The following SYNE2 variants were observed in gnomAD, a reference collection of about 807,000 sequenced individuals.
SYNE2 encodes the protein nesprin-2.
In SYNE2, 431 loss-of-function variants were observed where a neutral mutation model predicts 856.3. The ratio of observed to expected loss-of-function variants is 0.50; its 90% CI spans 0.47 to 0.55. The LOEUF (loss-of-function observed/expected upper bound fraction) is 0.55, where lower values mean the gene tolerates loss of function less well. Ranked by LOEUF, SYNE2 falls within the 20% of genes least tolerant of loss-of-function variation. The pLI, the probability that SYNE2 is intolerant of heterozygous loss-of-function variation, is 0.00. For synonymous variants in SYNE2, 2,923 were observed against 2,872.3 expected (o/e 1.02, Z -0.56); for missense variants, 8,129 against 8,023.2 (o/e 1.01, Z -0.50).
At chr14:63,930,285 CAA>C (rs1328534376) in intron 2 of SYNE2, among the ~76,000 whole-genome samples, 39 of 65,032 alleles carry the variant, frequency 6.0e-4, no homozygotes, top group Admixed American at 8.6e-4. Context: ...GACCCTGTCT[CAA>C]AAAAAAAAAA....
In SYNE2 at chr14:63,924,834, G is replaced by GTTTT. The variant is rs1160819887; in HGVS notation, c.79+15633_79+15636dup. 1.3e-3 allele frequency among the ~76,000 whole-genome samples: 72 copies of GTTTT among 56,424 alleles called. 4 individuals are homozygous for GTTTT. The highest frequency in any genetic ancestry group is 1.7e-3 in the East Asian group (4 of 2,320). 37.0% of individuals were successfully genotyped at this position (56,424 alleles called of 152,430 possible). ...TAACTTTTTTCCTTCCAGCCTTGGTGTTTTTTTTTTTTTTTTTTTTTTTTT... is the reference window on the plus strand; with the variant it reads ...TAACTTTTTTCCTTCCAGCCTTGGTGTTTTTTTTTTTTTTTTTTTTTTTTTTTTT... On this transcript the variant is annotated intron_variant, in intron 2 of 115. Transcript: ENST00000555002.
At chr14:63,855,032 T>C (rs1184619255) in intron 1 of SYNE2, among the ~76,000 whole-genome samples, 1 of 152,242 alleles carries the variant, frequency 6.6e-6, no homozygotes, top group Non-Finnish European at 1.5e-5. Context: ...CTCCTACATA[T>C]ACCAGCCACT....
At position 63,959,420 on chromosome 14, in the gene SYNE2, C is replaced by T. The variant is rs2096281792; in HGVS notation, c.788-2105C>T. On this transcript the variant is annotated intron_variant, in intron 8 of 115. Coordinates refer to ENST00000555002, the MANE Select transcript of SYNE2 (RefSeq NM_182914.3). ...TCAAGCAATTCTCCTGCCTCAGCCTCCTGAGTAGCTGGGATTACAGGCATG... is the reference window on the plus strand; with the variant it reads ...TCAAGCAATTCTCCTGCCTCAGCCTTCTGAGTAGCTGGGATTACAGGCATG... Among the ~76,000 whole-genome samples the T allele has an allele frequency of 6.0e-5, 9 of 151,132 alleles. No homozygotes were observed. The South Asian group carries it at 1.9e-3, about 32-fold the overall frequency.
intron 1 of SYNE2, among the ~76,000 whole-genome samples, chr14:63,774,839 A>G (rs1887052488): frequency 6.6e-6 from 1 of 152,190 alleles, no homozygotes; most frequent in Non-Finnish European, 1.5e-5. Context: ...ATTTAATGAA[A>G]TGCAAGGCAG....
In SYNE2 at chr14:63,998,937, T is replaced by C. The variant is rs1290752892; in HGVS notation, c.3377T>C (p.Leu1126Pro). 6.2e-7 allele frequency: 1 copy of C among 1,614,006 alleles called. No homozygotes were observed. The highest frequency in any genetic ancestry group is 8.5e-7 in the Non-Finnish European group (1 of 1,179,992). ...LERYDTYRDI[L>P]EHHLQNNKFR... is the part of the protein sequence containing the mutation. ...AGGTATGATACATACAGAGATATTC[T>C]TGAACACCACCTGCAAAACAACAAA... Residue 1126 changes from leucine to proline, a missense_variant, in exon 27 of 116, where the codon CTT (leucine) becomes CCT (proline). By Grantham distance (98) the Leu-to-Pro change is moderately conservative. Transcript: ENST00000555002.
At chr14:63,909,882 G>T (rs910924124) in intron 2 of SYNE2, among the ~76,000 whole-genome samples, 1 of 152,176 alleles carries the variant, frequency 6.6e-6, no homozygotes, top group Non-Finnish European at 1.5e-5. Flanking sequence ...ATTTTGTCCT[G>T]ATAGGAAGAG....
chr14:64,181,691 C>T (rs2153738579), intron 96 of SYNE2, among the ~76,000 whole-genome samples: 2 of 152,274 alleles, frequency 1.3e-5, no homozygotes, highest in East Asian at 3.9e-4. Flanking sequence ...TTGAGCTTGA[C>T]TTTCCTCCTC....
chr14:64,070,501 A>G, intron 51 of SYNE2, 144 bp from the exon 52 acceptor site: 1 of 685,974 alleles, frequency 1.5e-6, no homozygotes, highest in Non-Finnish European at 2.4e-6. Flanking sequence ...TAGAGGATTA[A>G]TATTCCCAGC....
At position 64,078,559 on chromosome 14, in the gene SYNE2, T is replaced by C; in HGVS notation, c.11116T>C (p.Leu3706=). Residue 3706 remains leucine (L), a synonymous_variant, in exon 55 of 116, where the codon TTG becomes CTG. Coordinates refer to ENST00000555002, the MANE Select transcript of SYNE2 (RefSeq NM_182914.3). ...TGGGCTTCATAATGTTGAAAAGATG[T>C]TGCAGCAGAAAAGCAAAAATATTGA... is the stretch of plus-strand genomic sequence containing the variant. ...NNGLHNVEKM[L]QQKSKNIEKA... is the part of the protein sequence containing the mutation. The C allele has an allele frequency of 6.2e-7, 1 of 1,614,158 alleles. No homozygotes were observed. Among genetic ancestry groups the C allele is most frequent in the Non-Finnish European group, 8.5e-7 (1 of 1,180,002 alleles).
intron 30 of SYNE2, among the ~76,000 whole-genome samples, chr14:64,005,781 C>T (rs926739619): frequency 6.6e-6 from 1 of 152,104 alleles, no homozygotes; most frequent in Non-Finnish European, 1.5e-5. Context: ...CATCATTTTA[C>T]AAGGCTGTTT....
At chr14:64,193,794 A>T (rs2098528860) in intron 99 of SYNE2, among the ~76,000 whole-genome samples, 1 of 152,002 alleles carries the variant, frequency 6.6e-6, no homozygotes, top group Non-Finnish European at 1.5e-5. Context: ...GGAAACCAAC[A>T]TTGCTTATTT....
At chr14:64,036,981 G>A (rs2097095489) in intron 45 of SYNE2, among the ~76,000 whole-genome samples, 1 of 152,104 alleles carries the variant, frequency 6.6e-6, no homozygotes, top group African/African-American at 2.4e-5. Flanking sequence ...CTAGTTCCAT[G>A]ATAGTCTTTA....
In SYNE2 at chr14:64,003,085, C is replaced by T. The variant is rs780439848; in HGVS notation, c.4152C>T (p.Leu1384=). ...AKHLDKCLKM[L]DMSFKDAERG... ...ATTTGGATAAATGTTTGAAGATGCTCGATATGAGCTTTAAAGATGCTGAAC... is the reference window on the plus strand; with the variant it reads ...ATTTGGATAAATGTTTGAAGATGCTTGATATGAGCTTTAAAGATGCTGAAC... Residue 1384 remains leucine, a synonymous_variant, in exon 30 of 116, where the codon CTC becomes CTT. Coordinates refer to ENST00000555002, the MANE Select transcript of SYNE2 (RefSeq NM_182914.3). 2.4e-5 allele frequency: 39 copies of T among 1,613,928 alleles called. No homozygotes were observed. The highest frequency in any genetic ancestry group is 2.8e-5 in the Non-Finnish European group (33 of 1,180,026).
At chr14:63,768,628 C>T (rs956047315) in intron 1 of SYNE2, among the ~76,000 whole-genome samples, 3 of 152,238 alleles carry the variant, frequency 2.0e-5, no homozygotes, top group Admixed American at 2.0e-4. Flanking sequence ...AAACTCTTAG[C>T]AGCCAGGACA....
chr14:64,113,341 G>A lies in SYNE2; in HGVS notation c.12610G>A (p.Gly4204Ser). 1 of 1,613,490 alleles carries A rather than the reference G, an allele frequency of 6.2e-7. No homozygotes were observed. Among genetic ancestry groups the A allele is most frequent in the East Asian group, 2.2e-5 (1 of 44,880 alleles). The change falls in exon 66 of 116, where the codon GGC (glycine) becomes AGC (serine). Residue 4204 changes from glycine (G) to serine (S), a missense_variant and splice_region_variant. By Grantham distance (56) the Gly-to-Ser change is moderately conservative (BLOSUM62 0). This residue lies in a region of SYNE2 where 5,410 missense variants were observed against 5,284.8 expected (regional missense o/e 1.02). Coordinates refer to ENST00000555002, the MANE Select transcript of SYNE2 (RefSeq NM_182914.3). ...TGGCTTATCTTTGGATTTCTCTTAGGGCACCACACCTCCTATTGAGGCTGA... is the reference window on the plus strand; with the variant it reads ...TGGCTTATCTTTGGATTTCTCTTAGAGCACCACACCTCCTATTGAGGCTGA... ...CSLRPNQTEE[G>S]TTPPIEADTL...
At chr14:64,126,157 A>G (rs1307778556) in intron 71 of SYNE2, among the ~76,000 whole-genome samples, 170 bp from the exon 72 acceptor site, 1 of 152,174 alleles carries the variant, frequency 6.6e-6, no homozygotes, top group Non-Finnish European at 1.5e-5. Flanking sequence ...CAAGTTTAAC[A>G]TCGTAAGTTT....
chr14:64,138,952 T>TATGTATG (rs2098119085), intron 79 of SYNE2, among the ~76,000 whole-genome samples: 6 of 107,026 alleles, frequency 5.6e-5, no homozygotes, highest in Middle Eastern at 3.7e-3. Context: ...GTATGGTGTG[T>TATGTATG]GTGTGTGTGT....
At chr14:64,031,665 A>G (rs1399922397) in intron 45 of SYNE2, among the ~76,000 whole-genome samples, 1 of 152,232 alleles carries the variant, frequency 6.6e-6, no homozygotes, top group African/African-American at 2.4e-5. Context: ...GCGAAAGAAA[A>G]GAAAATGTTC....
chr14:63,888,482 C>T (rs1474312095), intron 1 of SYNE2, among the ~76,000 whole-genome samples: 2 of 152,152 alleles, frequency 1.3e-5, no homozygotes, highest in African/African-American at 2.4e-5. Flanking sequence ...CATTCCTACC[C>T]TCCTGGAAAT....
Sources: gnomAD v4.1 joint callset for allele counts (sites outside exome capture counted in the v4.1 genomes callset) on GRCh38, gnomAD v4.1.1 for gene constraint, gnomAD v4.1.1 regional missense constraint, MANE v1.5 for transcripts, NCBI Gene and HGNC (gene_info 2026-07-23, HGNC 2026-07-21) for gene names.